The following FGGY variants were observed in gnomAD, a reference collection of about 807,000 sequenced individuals.
FGGY encodes the protein FGGY carbohydrate kinase domain-containing protein.
A neutral mutation model predicts 71.3 loss-of-function variants in FGGY; 72 were observed. The ratio of observed to expected loss-of-function variants is 1.01; its 90% CI spans 0.84 to 1.23. FGGY has a LOEUF of 1.23. Ranked by LOEUF, FGGY falls within the 50% of genes most tolerant of loss-of-function variation. The probability of loss-of-function intolerance (pLI) is 0.00; values close to 1 mark genes in which losing one functional copy is unlikely to be tolerated. For synonymous variants in FGGY, 251 were observed against 250.3 expected (o/e 1.00, Z -0.02); for missense variants, 668 against 682.3 (o/e 0.98, Z 0.23).
intron 5 of FGGY, among the ~76,000 whole-genome samples, chr1:59,445,331 G>A (rs1258952145): frequency 6.6e-6 from 1 of 152,124 alleles, no homozygotes; most frequent in Non-Finnish European, 1.5e-5. Flanking sequence ...CCCTGCTCTG[G>A]CACTTGCCTC....
At chr1:59,713,379 A>G (rs2097814704) in intron 14 of FGGY, among the ~76,000 whole-genome samples, 1 of 152,138 alleles carries the variant, frequency 6.6e-6, no homozygotes, top group Non-Finnish European at 1.5e-5. Context: ...ATTTTTGGGT[A>G]TCTTTTCAGC....
chr1:59,528,133 G>A (rs867865923), intron 7 of FGGY, among the ~76,000 whole-genome samples: 4 of 152,318 alleles, frequency 2.6e-5, no homozygotes, highest in Non-Finnish European at 4.4e-5. Context: ...TAGACTCAAC[G>A]TTGTTTACCA....
intron 14 of FGGY, among the ~76,000 whole-genome samples, chr1:59,717,269 C>A (rs979816116): frequency 6.6e-6 from 1 of 151,700 alleles, no homozygotes; most frequent in South Asian, 2.1e-4. Flanking sequence ...ATCTATATAC[C>A]CTATAAACCC....
intron 14 of FGGY, among the ~76,000 whole-genome samples, chr1:59,695,014 T>C (rs1244499299): frequency 6.6e-6 from 1 of 152,216 alleles, no homozygotes; most frequent in Non-Finnish European, 1.5e-5. Context: ...AATGTTGATG[T>C]AAGCCCATAG....
At chr1:59,628,260 C>T (rs894545472) in intron 10 of FGGY, among the ~76,000 whole-genome samples, 5 of 152,070 alleles carry the variant, frequency 3.3e-5, no homozygotes, top group Admixed American at 1.3e-4. Context: ...TATGAGGCAC[C>T]GATAAAGATA....
intron 8 of FGGY, among the ~76,000 whole-genome samples, chr1:59,589,971 A>G (rs556488637): frequency 9.2e-5 from 14 of 152,178 alleles, no homozygotes; most frequent in African/African-American, 2.7e-4. Context: ...GACATAAAAA[A>G]CCCTTCAAAA....
chr1:59,454,442 C>T (rs1410674514), intron 5 of FGGY, among the ~76,000 whole-genome samples: 1 of 152,132 alleles, frequency 6.6e-6, no homozygotes, highest in Non-Finnish European at 1.5e-5. Context: ...CTTAAAAAAC[C>T]GTGAATAATT....
intron 6 of FGGY, among the ~76,000 whole-genome samples, chr1:59,497,848 T>C (rs897205296): frequency 6.6e-6 from 1 of 152,194 alleles, no homozygotes; most frequent in African/African-American, 2.4e-5. Flanking sequence ...GCTATTTCTG[T>C]CTTCGCGTTG....
At chr1:59,726,331 A>G (rs1395006956) in intron 14 of FGGY, among the ~76,000 whole-genome samples, 1 of 151,998 alleles carries the variant, frequency 6.6e-6, no homozygotes, top group Non-Finnish European at 1.5e-5. Flanking sequence ...TGATTTGCTA[A>G]TATTATATTA....
chr1:59,528,542 C>G (rs1369196915), intron 7 of FGGY, among the ~76,000 whole-genome samples: 1 of 152,186 alleles, frequency 6.6e-6, no homozygotes, highest in Non-Finnish European at 1.5e-5. Context: ...CATCTTTTAA[C>G]CAAATGCTCA....
intron 1 of FGGY, among the ~76,000 whole-genome samples, chr1:59,320,909 A>G (rs2046269146): frequency 6.6e-6 from 1 of 152,188 alleles, no homozygotes; most frequent in Non-Finnish European, 1.5e-5. Flanking sequence ...TCATTATAAT[A>G]ATGTACATTT....
intron 1 of FGGY, chr1:59,318,607 G>C (rs1211034594): frequency 6.6e-6 from 1 of 152,260 alleles, no homozygotes; most frequent in East Asian, 1.9e-4. Flanking sequence ...GGAGTCAAAA[G>C]TGAGGAACCC....
chr1:59,689,189 C>T (rs958931042), intron 14 of FGGY, among the ~76,000 whole-genome samples: 3 of 152,114 alleles, frequency 2.0e-5, no homozygotes, highest in African/African-American at 7.2e-5. Flanking sequence ...GTAGTGACTA[C>T]CAGCAGGAAA....
chr1:59,523,046 A>T (rs1392017574), intron 7 of FGGY, among the ~76,000 whole-genome samples: 1 of 152,190 alleles, frequency 6.6e-6, no homozygotes, highest in Non-Finnish European at 1.5e-5. Flanking sequence ...AAATTAGCTG[A>T]GCTGTTATTT....
At chr1:59,473,125 C>T (rs556376627) in intron 6 of FGGY, among the ~76,000 whole-genome samples, 6 of 152,298 alleles carry the variant, frequency 3.9e-5, no homozygotes, top group Middle Eastern at 3.4e-3. Flanking sequence ...TGTTCTTTCT[C>T]TCTTTGCAAT....
chr1:59,493,130 C>CACACACACACAA (rs3220800), intron 6 of FGGY, among the ~76,000 whole-genome samples: 19 of 150,392 alleles, frequency 1.3e-4, no homozygotes, highest in South Asian at 4.2e-4. Context: ...CACACACACA[C>CACACACACACAA]AAAACAGAAA....
chr1:59,460,252 G>A (rs1230336070), intron 6 of FGGY, among the ~76,000 whole-genome samples: 1 of 152,214 alleles, frequency 6.6e-6, no homozygotes, highest in Admixed American at 6.5e-5. Context: ...ATTATATCCT[G>A]CGCCTGGCTC....
At chr1:59,700,125 CT>C (rs1425845725) in intron 14 of FGGY, among the ~76,000 whole-genome samples, 4 of 152,104 alleles carry the variant, frequency 2.6e-5, no homozygotes, top group African/African-American at 9.7e-5. Flanking sequence ...ACAAACAAGT[CT>C]TATAAAACTG....
At chr1:59,758,282 T>C (rs942483035) in intron 15 of FGGY, among the ~76,000 whole-genome samples, 8 of 152,350 alleles carry the variant, frequency 5.3e-5, no homozygotes, top group African/African-American at 1.9e-4. Context: ...AGTAGGGATC[T>C]CTTATATCTC....
Sources: gnomAD v4.1 joint callset for allele counts (sites outside exome capture counted in the v4.1 genomes callset) on GRCh38, gnomAD v4.1.1 for gene constraint, MANE v1.5 for transcripts, NCBI Gene and HGNC (gene_info 2026-07-23, HGNC 2026-07-21) for gene names.